FAM135B: variants seen among roughly 807,000 people sequenced by gnomAD.
FAM135B encodes the protein family with sequence similarity 135 member B.
A neutral mutation model predicts 127.7 loss-of-function variants in FAM135B; 43 were observed. The ratio of observed to expected loss-of-function variants is 0.34; its 90% CI spans 0.26 to 0.43. The LOEUF is 0.43. FAM135B is among the 20% of genes least tolerant of loss of function. FAM135B has a pLI of 1.00. For synonymous variants in FAM135B, 670 were observed against 665.1 expected (o/e 1.01, Z -0.11); for missense variants, 1,558 against 1,725.6 (o/e 0.90, Z 1.72).
intron 1 of FAM135B, among the ~76,000 whole-genome samples, chr8:138,483,209 G>A (rs970882092): frequency 6.6e-6 from 1 of 152,142 alleles, no homozygotes; most frequent in Non-Finnish European, 1.5e-5. Flanking sequence ...TTCTTCTTGT[G>A]TTTGTTCTTT....
At chr8:138,294,020 G>A (rs1227879677) in intron 3 of FAM135B, among the ~76,000 whole-genome samples, 1 of 151,990 alleles carries the variant, frequency 6.6e-6, no homozygotes. Context: ...CCAATGAGTA[G>A]GTAAAGAAAA....
chr8:138,408,071 T>G (rs1833630553), intron 1 of FAM135B, among the ~76,000 whole-genome samples: 3 of 152,212 alleles, frequency 2.0e-5, no homozygotes. Context: ...AGTGTAATTC[T>G]TAAGGACCCT....
intron 7 of FAM135B, among the ~76,000 whole-genome samples, chr8:138,198,031 T>C (rs751494041): frequency 3.9e-5 from 6 of 152,222 alleles, no homozygotes; most frequent in Admixed American, 2.0e-4. Context: ...TACAAGCTGA[T>C]ATGGTTTGGC....
chr8:138,309,515 T>C (rs1188638156), intron 3 of FAM135B, among the ~76,000 whole-genome samples: 1 of 152,198 alleles, frequency 6.6e-6, no homozygotes, highest in African/African-American at 2.4e-5. Flanking sequence ...ACTTGAGTTA[T>C]CCTATTGCTC....
chr8:138,437,219 G>C (rs1015632533), intron 1 of FAM135B: 2 of 152,198 alleles, frequency 1.3e-5, no homozygotes, highest in Non-Finnish European at 2.9e-5. Context: ...GAAGAATATA[G>C]ACACAGCAAT....
At chr8:138,488,905 T>G (rs903827687) in intron 1 of FAM135B, among the ~76,000 whole-genome samples, 65 of 152,258 alleles carry the variant, frequency 4.3e-4, no homozygotes, top group African/African-American at 1.3e-3. Flanking sequence ...GACCTGGTGA[T>G]CCGCCCGCCT....
Position 138,178,598 on chromosome 8 carries a change from C to T in FAM135B, c.966G>A (p.Leu322=), listed in dbSNP as rs1332338994. 6.2e-7 allele frequency: 1 copy of T among 1,614,018 alleles called. No homozygotes were observed. The highest frequency in any genetic ancestry group is 2.2e-5 in the East Asian group (1 of 44,858). The change falls in exon 10 of 20, where the codon CTG becomes CTA. Residue 322 remains leucine, a synonymous_variant. Coordinates refer to ENST00000395297, the MANE Select transcript of FAM135B (RefSeq NM_015912.4). ...SHMMTLWTQF[L]DTVTLHSQVT... ...CTTGGGAGTGCAGAGTGACTGTGTC[C>T]AGGAACTGGGTCCACAGAGTCATCA...
intron 1 of FAM135B, among the ~76,000 whole-genome samples, chr8:138,442,267 T>TATATATATATACATATATAC (rs34280434): frequency 1.2e-5 from 1 of 86,762 alleles, no homozygotes; most frequent in African/African-American, 4.5e-5. Flanking sequence ...TATATATATA[T>TATATATATATACATATATAC]ATATATATAT....
chr8:138,417,082 A>G (rs904007265), intron 1 of FAM135B, among the ~76,000 whole-genome samples: 1 of 152,172 alleles, frequency 6.6e-6, no homozygotes, highest in Admixed American at 6.5e-5. Context: ...TGGCTTGGGA[A>G]CAACTATAGT....
chr8:138,146,320 C>T (rs1817650069), intron 14 of FAM135B, among the ~76,000 whole-genome samples: 1 of 152,166 alleles, frequency 6.6e-6, no homozygotes, highest in Admixed American at 6.5e-5. Context: ...TGTGAACACT[C>T]TGCATACAGG....
intron 1 of FAM135B, chr8:138,440,370 G>C (rs1835690840): frequency 6.6e-6 from 1 of 151,776 alleles, no homozygotes; most frequent in Non-Finnish European, 1.5e-5. Flanking sequence ...GTGCTATTAG[G>C]AGGGAGAAAT....
rs1359034979 is a variant in FAM135B at position 138,241,421 on chromosome 8, T to G, written c.669+1521A>C. On this transcript the variant is annotated intron_variant, in intron 7 of 19. Coordinates refer to ENST00000395297, the MANE Select transcript of FAM135B (RefSeq NM_015912.4). The surrounding 1 kb of genome is among the most constrained non-coding windows in gnomAD (Gnocchi z 4.8). The stretch of plus-strand genomic sequence containing the variant: ...AACCCCATTCTGGCTTCAGGTCCCC[T>G]CAGCAGGTTCTTGACAACTCTTTTC... Among the ~76,000 whole-genome samples the G allele has an allele frequency of 6.6e-6, 1 of 152,174 alleles. No homozygotes were observed. The highest frequency in any genetic ancestry group is 2.4e-5 in the African/African-American group (1 of 41,438).
In FAM135B at chr8:138,151,258, A is replaced by G. The variant is rs2130722192; in HGVS notation, c.3217T>C (p.Ser1073Pro). The G allele has an allele frequency of 6.2e-7, 1 of 1,608,806 alleles. No homozygotes were observed. The highest frequency in any genetic ancestry group is 8.5e-7 in the Non-Finnish European group (1 of 1,178,254). Residue 1073 changes from serine (S) to proline (P), a missense_variant, in exon 13 of 20, where the codon TCC becomes CCC. Around this residue, in one of 5 missense-constraint regions of FAM135B, gnomAD observed 923 missense variants for 865.3 expected, o/e 1.07. Transcript: ENST00000395297. Reference protein sequence around the residue: ...LFPITHQPLGSFGVVSTHSST... With the variant: ...LFPITHQPLGPFGVVSTHSST... The stretch of plus-strand genomic sequence containing the variant: ...GAATGGGTAGAAACAACTCCAAAGG[A>G]TCCCAAAGGCTGATGGGTGATGGGA...
chr8:138,358,886 AT>A (rs1830245989), intron 2 of FAM135B, among the ~76,000 whole-genome samples: 1 of 152,156 alleles, frequency 6.6e-6, no homozygotes, highest in Non-Finnish European at 1.5e-5. Context: ...CACCAGAGGC[AT>A]TTTAAATCTC....
At chr8:138,323,509 G>C (rs1291822287) in intron 2 of FAM135B, among the ~76,000 whole-genome samples, 1 of 152,180 alleles carries the variant, frequency 6.6e-6, no homozygotes, top group Non-Finnish European at 1.5e-5. Flanking sequence ...GTTAAAGCAG[G>C]CTTTCTCCAG....
intron 6 of FAM135B, among the ~76,000 whole-genome samples, chr8:138,250,439 C>T (rs1407341247): frequency 6.6e-6 from 1 of 152,102 alleles, no homozygotes; most frequent in Non-Finnish European, 1.5e-5. Context: ...GAAAACTAAG[C>T]CCCTAACATG....
chr8:138,337,980 A>G (rs1828739650), intron 2 of FAM135B, among the ~76,000 whole-genome samples: 2 of 152,218 alleles, frequency 1.3e-5, no homozygotes, highest in African/African-American at 4.8e-5. Context: ...CTGATCTTTG[A>G]CAAAACTGAC....
intron 2 of FAM135B, chr8:138,367,491 T>G (rs1737095870): frequency 2.2e-6 from 1 of 458,034 alleles, no homozygotes; most frequent in African/African-American, 2.0e-5. Flanking sequence ...TTGAAAGATC[T>G]AGGCACAAGT....
intron 12 of FAM135B, among the ~76,000 whole-genome samples, chr8:138,163,025 T>C (rs1428130041): frequency 6.6e-6 from 1 of 152,322 alleles, no homozygotes; most frequent in East Asian, 1.9e-4. Flanking sequence ...CTATTGCAAC[T>C]ATAGAAAAAT....
Sources: gnomAD v4.1 joint callset for allele counts (sites outside exome capture counted in the v4.1 genomes callset) on GRCh38, gnomAD v4.1.1 for gene constraint, gnomAD v4.1.1 regional missense constraint, Gnocchi (gnomAD v3.1) non-coding constraint, MANE v1.5 for transcripts, NCBI Gene and HGNC (gene_info 2026-07-23, HGNC 2026-07-21) for gene names.